SHROOM4: variants seen among roughly 807,000 people sequenced by gnomAD.
SHROOM4 encodes the protein shroom family member 4.
In SHROOM4, 17 loss-of-function variants were observed where a neutral mutation model predicts 80.3. The observed-to-expected ratio is 0.21, with a 90% CI of 0.14 to 0.32. The LOEUF is 0.32. SHROOM4 is among the 10% of genes least tolerant of loss of function. SHROOM4 has a pLI of 1.00. For missense variants in SHROOM4, 993 were observed against 1,140.3 expected (o/e 0.87, Z 1.86); for synonymous variants, 400 against 437.5 (o/e 0.91, Z 1.07).
At chrX:50,576,092 T>C in the SHROOM4 span, among the ~76,000 whole-genome samples, 1 of 111,803 alleles carries the variant, frequency 8.9e-6, no homozygotes, top group South Asian at 3.8e-4. Context: ...CAGCTTGTTG[T>C]GGTGGGGTCA....
At chrX:50,738,041 C>T (rs1168263934) in intron 1 of SHROOM4, among the ~76,000 whole-genome samples, 9 of 111,350 alleles carry the variant, frequency 8.1e-5, no homozygotes, top group Admixed American at 6.7e-4. Flanking sequence ...AATCAATAAA[C>T]GTAATCCAGC....
chrX:50,706,654 C>T (rs1162150058), intron 1 of SHROOM4, among the ~76,000 whole-genome samples: 1 of 111,689 alleles, frequency 9.0e-6, no homozygotes, highest in Non-Finnish European at 1.9e-5. Flanking sequence ...TTGGATTTCA[C>T]GGGTATATTG....
In SHROOM4 at chrX:50,592,169, A is replaced by G. The variant is rs1557245700; in HGVS notation, c.*4526T>C. 2 of 327,999 alleles carry G rather than the reference A, an allele frequency of 6.1e-6. No homozygotes were observed. Among genetic ancestry groups the G allele is most frequent in the Non-Finnish European group, 1.2e-5 (2 of 169,835 alleles). The allele number at this position is 327,999 out of a possible 1,213,427, so 27.0% of individuals were successfully genotyped here. ...CCTGGGATAAGGAAAAAATGAATTG[A>G]GTAGATCAGGACTATAATAATGGTT... On this transcript the variant is annotated 3_prime_UTR_variant, in exon 9 of 9. Coordinates refer to ENST00000376020, the MANE Select transcript of SHROOM4 (RefSeq NM_020717.5).
At chrX:50,767,194 G>T (rs150400030) in intron 1 of SHROOM4, among the ~76,000 whole-genome samples, 1,936 of 111,772 alleles carry the variant, frequency 0.017, 28 homozygotes, top group Non-Finnish European at 0.026. Context: ...ACTCTAAACA[G>T]AAGAAATGCA....
At chrX:50,776,277 C>A (rs1248512424) in intron 1 of SHROOM4, among the ~76,000 whole-genome samples, 8 of 111,562 alleles carry the variant, frequency 7.2e-5, no homozygotes, top group Non-Finnish European at 1.1e-4. Flanking sequence ...TGTGTTATTT[C>A]TAAATATAAC....
At chrX:50,651,530 C>T (rs1932060205) in intron 2 of SHROOM4, among the ~76,000 whole-genome samples, 1 of 111,727 alleles carries the variant, frequency 9.0e-6, no homozygotes, top group Non-Finnish European at 1.9e-5. Flanking sequence ...TCTGGGGACC[C>T]ATCCTCGACC....
chrX:50,584,722 T>C (rs962015373), downstream of SHROOM4, among the ~76,000 whole-genome samples: 7 of 111,570 alleles, frequency 6.3e-5, no homozygotes, highest in Non-Finnish European at 9.4e-5. Flanking sequence ...CTAGGACTTC[T>C]AGCTTTCCTA....
chrX:50,619,223 C>T (rs1950281939), intron 5 of SHROOM4, among the ~76,000 whole-genome samples: 2 of 110,951 alleles, frequency 1.8e-5, no homozygotes, highest in South Asian at 3.9e-4. Context: ...CCTACCTCTT[C>T]CTCGGCCCTT....
intron 5 of SHROOM4, among the ~76,000 whole-genome samples, chrX:50,610,714 A>G (rs1313270848): frequency 8.9e-6 from 1 of 111,858 alleles, no homozygotes; most frequent in East Asian, 2.8e-4. Context: ...AAGAAAAAAT[A>G]AATTATGATA....
At chrX:50,783,090 G>A (rs979341122) in intron 1 of SHROOM4, among the ~76,000 whole-genome samples, 2 of 111,813 alleles carry the variant, frequency 1.8e-5, no homozygotes, top group African/African-American at 3.2e-5. Flanking sequence ...ACGTACAGCT[G>A]GTTAAAATGA....
chrX:50,577,043 T>C, the SHROOM4 span, among the ~76,000 whole-genome samples: 1 of 112,538 alleles, frequency 8.9e-6, no homozygotes, highest in Non-Finnish European at 1.9e-5. Flanking sequence ...TCTTCTTTTC[T>C]GATGTTCCCA....
chrX:50,778,098 C>T (rs1265016694), intron 1 of SHROOM4, among the ~76,000 whole-genome samples: 1 of 111,656 alleles, frequency 9.0e-6, no homozygotes, highest in East Asian at 2.8e-4. Flanking sequence ...GGACATACCC[C>T]AGTCTTCTGG....
In SHROOM4 at chrX:50,695,968, G is replaced by A. The variant is rs1339956847; in HGVS notation, c.118-31C>T. On this transcript the variant is annotated intron_variant, in intron 1 of 8. Coordinates refer to ENST00000376020, the MANE Select transcript of SHROOM4 (RefSeq NM_020717.5). ...TTGCAGAGAACAAAACAGAAAGCAG[G>A]TAGTGAGATGACTTTCTCCCCAAAA... is the stretch of plus-strand genomic sequence containing the variant. 3.3e-6 allele frequency: 4 copies of A among 1,206,030 alleles called. No individual in the cohort carries two copies. In the Admixed American group the frequency reaches 6.6e-5, roughly 20 times the overall value.
intron 1 of SHROOM4, among the ~76,000 whole-genome samples, chrX:50,702,387 G>A (rs1394836963): frequency 9.0e-6 from 1 of 111,535 alleles, no homozygotes. Context: ...AGATTTGATT[G>A]TTCACAGCAG....
At chrX:50,680,243 C>T (rs782565521) in intron 2 of SHROOM4, among the ~76,000 whole-genome samples, 86 of 111,593 alleles carry the variant, frequency 7.7e-4, no homozygotes, top group Non-Finnish European at 1.3e-3. Flanking sequence ...CTCTTTGCTG[C>T]CTACACTTAA....
At chrX:50,669,666 T>C (rs1010957546) in intron 2 of SHROOM4, among the ~76,000 whole-genome samples, 2 of 112,180 alleles carry the variant, frequency 1.8e-5, no homozygotes, top group Admixed American at 9.4e-5. Context: ...CTAAGTTTGT[T>C]GAATATCCTA....
Position 50,592,002 on chromosome X carries a change from C to T in SHROOM4, c.*4693G>A. The T allele has an allele frequency of 3.0e-6, 1 of 329,488 alleles. No homozygotes were observed. Among genetic ancestry groups the T allele is most frequent in the Non-Finnish European group, 5.9e-6 (1 of 170,037 alleles). 27.2% of individuals were successfully genotyped at this position (329,488 alleles called of 1,213,427 possible). ...AAAGTGCTGGGATTTCAGGCGTGAGCCACCATGCCCGGCCGGAACTGTTTT... is the reference window on the plus strand; with the variant it reads ...AAAGTGCTGGGATTTCAGGCGTGAGTCACCATGCCCGGCCGGAACTGTTTT... On this transcript the variant is annotated 3_prime_UTR_variant, in exon 9 of 9. Coordinates refer to ENST00000376020, the MANE Select transcript of SHROOM4 (RefSeq NM_020717.5).
intron 1 of SHROOM4, among the ~76,000 whole-genome samples, chrX:50,729,609 A>G (rs1251003454): frequency 9.0e-6 from 1 of 111,636 alleles, no homozygotes; most frequent in African/African-American, 3.3e-5. Context: ...CTCATATTTG[A>G]TGGACAAGGC....
intron 1 of SHROOM4, among the ~76,000 whole-genome samples, chrX:50,763,770 G>A (rs782624522): frequency 9.0e-5 from 10 of 111,317 alleles, no homozygotes; most frequent in Non-Finnish European, 1.9e-4. Flanking sequence ...GTGGCTTGGG[G>A]AATACTTATA....
Sources: allele counts gnomAD v4.1 joint callset (sites outside exome capture counted in the v4.1 genomes callset), GRCh38; gene constraint gnomAD v4.1.1; transcripts MANE v1.5; gene names NCBI Gene and HGNC (gene_info 2026-07-23, HGNC 2026-07-21).